Variants in SLC26A5 observed in about 807,000 individuals in gnomAD.
SLC26A5 encodes the protein prestin.
In SLC26A5, 51 loss-of-function variants were observed where a neutral mutation model predicts 81.0. The ratio of observed to expected loss-of-function variants is 0.63; its 90% CI spans 0.50 to 0.80. The LOEUF is 0.80. Among genes scored for constraint, SLC26A5 ranks in the 30% least tolerant of loss-of-function variants. The probability of loss-of-function intolerance (pLI) is 0.00; values close to 1 mark genes in which losing one functional copy is unlikely to be tolerated. For missense variants in SLC26A5, 771 were observed against 905.8 expected (o/e 0.85, Z 1.91); for synonymous variants, 325 against 332.8 (o/e 0.98, Z 0.25).
At chr7:103,384,140 T>C (rs1489157885) in intron 14 of SLC26A5, among the ~76,000 whole-genome samples, 2 of 151,868 alleles carry the variant, frequency 1.3e-5, no homozygotes, top group South Asian at 2.1e-4. Context: ...CTAAAAACAA[T>C]AAAATAAAAA....
chr7:103,434,508 A>T (rs1826306452), intron 2 of SLC26A5, among the ~76,000 whole-genome samples: 1 of 151,892 alleles, frequency 6.6e-6, no homozygotes, highest in Non-Finnish European at 1.5e-5. Context: ...TTTAATTGTC[A>T]ATTTCTTACC....
At chr7:103,382,773 A>G (rs1057335643) in intron 14 of SLC26A5, among the ~76,000 whole-genome samples, 11 of 149,722 alleles carry the variant, frequency 7.3e-5, no homozygotes, top group African/African-American at 2.8e-4. Context: ...GGGCACATTA[A>G]TAATATTATA....
At chr7:103,389,175 A>G in intron 13 of SLC26A5, 61 bp from the exon 14 acceptor site, 1 of 1,343,220 alleles carries the variant, frequency 7.4e-7, no homozygotes, top group Non-Finnish European at 1.1e-6. Flanking sequence ...AGAGTTAAAC[A>G]CACAAGTGTG....
chr7:103,444,580 G>A (rs1586426387), intron 1 of SLC26A5, among the ~76,000 whole-genome samples: 1 of 152,308 alleles, frequency 6.6e-6, no homozygotes, highest in South Asian at 2.1e-4. Context: ...GCCTCTATGC[G>A]AAAAGCACTC....
At chr7:103,366,292 C>T (rs1196667676) in intron 19 of SLC26A5, 7 of 744,978 alleles carry the variant, frequency 9.4e-6, no homozygotes, top group African/African-American at 7.0e-5. Flanking sequence ...GAAACAGTGG[C>T]GCCACAGATC....
At chr7:103,415,969 T>TA (rs1167054525) in intron 4 of SLC26A5, among the ~76,000 whole-genome samples, 5 of 152,180 alleles carry the variant, frequency 3.3e-5, no homozygotes, top group African/African-American at 1.2e-4. Context: ...TTTTCTCTCT[T>TA]ACTGTCTTTT....
intron 10 of SLC26A5, 58 bp downstream of exon 10, chr7:103,392,861 G>A: frequency 6.2e-7 from 1 of 1,606,220 alleles, no homozygotes; most frequent in Non-Finnish European, 8.5e-7. Context: ...ACAGGCGTGA[G>A]CCAGACATTG....
At chr7:103,426,531 T>A (rs536769973) in intron 2 of SLC26A5, among the ~76,000 whole-genome samples, 1 of 152,264 alleles carries the variant, frequency 6.6e-6, no homozygotes, top group African/African-American at 2.4e-5. Context: ...TAACTCTCTG[T>A]AGGTTAGGAA....
chr7:103,435,725 G>T (rs372352676), intron 2 of SLC26A5, among the ~76,000 whole-genome samples: 2 of 152,236 alleles, frequency 1.3e-5, no homozygotes, highest in South Asian at 2.1e-4. Flanking sequence ...CATACAGGGG[G>T]TTCTTTCTAG....
At chr7:103,393,237 G>T (rs1415113252) in intron 9 of SLC26A5, among the ~76,000 whole-genome samples, 171 bp from the exon 10 acceptor site, 1 of 152,212 alleles carries the variant, frequency 6.6e-6, no homozygotes, top group Non-Finnish European at 1.5e-5. Flanking sequence ...TTGACGCAGA[G>T]AAATTCTTTT....
chr7:103,366,905 A>G (rs1274916123), intron 19 of SLC26A5, among the ~76,000 whole-genome samples: 2 of 152,098 alleles, frequency 1.3e-5, no homozygotes, highest in African/African-American at 4.8e-5. Flanking sequence ...CCTGGGTTCA[A>G]GCAATTCTCA....
At chr7:103,408,104 G>T (rs1342700379) in intron 7 of SLC26A5, 101 bp from the exon 8 acceptor site, 4 of 1,479,934 alleles carry the variant, frequency 2.7e-6, no homozygotes, top group Non-Finnish European at 3.7e-6. Flanking sequence ...TCCGTTATTG[G>T]ATATTTCTAG....
intron 8 of SLC26A5, among the ~76,000 whole-genome samples, chr7:103,402,219 T>C (rs1214896571): frequency 2.0e-5 from 3 of 152,128 alleles, no homozygotes; most frequent in Non-Finnish European, 2.9e-5. Flanking sequence ...AGGCTATTAA[T>C]TGCTGCCTCA....
intron 19 of SLC26A5, chr7:103,353,848 G>T: frequency 7.8e-7 from 1 of 1,280,160 alleles, no homozygotes. Context: ...CAGAAAAAAA[G>T]CTCTAGTTTC....
intron 2 of SLC26A5, among the ~76,000 whole-genome samples, chr7:103,429,407 A>G (rs1305360399): frequency 1.3e-5 from 2 of 152,220 alleles, no homozygotes; most frequent in Admixed American, 1.3e-4. Context: ...AACAACAAAA[A>G]TAAATTTTAC....
intron 9 of SLC26A5, among the ~76,000 whole-genome samples, chr7:103,394,137 T>C (rs768923210): frequency 1.3e-5 from 2 of 152,100 alleles, no homozygotes; most frequent in Non-Finnish European, 2.9e-5. Flanking sequence ...TACTATGTCA[T>C]AGCACAGTGA....
At chr7:103,383,455 A>C (rs1479954301) in intron 14 of SLC26A5, among the ~76,000 whole-genome samples, 3 of 152,292 alleles carry the variant, frequency 2.0e-5, no homozygotes, top group Admixed American at 2.0e-4. Flanking sequence ...GTGCCCTGGC[A>C]CACCATTTCT....
At chr7:103,361,510 C>CAAAAAAAAAA (rs759044767) in intron 19 of SLC26A5, among the ~76,000 whole-genome samples, 8 of 51,058 alleles carry the variant, frequency 1.6e-4, no homozygotes, top group African/African-American at 3.2e-4. Context: ...AACTCCATCT[C>CAAAAAAAAAA]AAAAAAAAAA....
downstream of SLC26A5, chr7:103,374,133 A>G (rs28375913): frequency 0.061 from 71,978 of 1,183,334 alleles, 3,973 homozygotes; most frequent in African/African-American, 0.28. Flanking sequence ...AAATTTTTCG[A>G]TGCTTAGCTT....
Sources: allele counts gnomAD v4.1 joint callset (sites outside exome capture counted in the v4.1 genomes callset), GRCh38; gene constraint gnomAD v4.1.1; transcripts MANE v1.5; gene names NCBI Gene and HGNC (gene_info 2026-07-23, HGNC 2026-07-21).